SPAG9: variants seen among roughly 807,000 people sequenced by gnomAD.
The protein encoded by SPAG9 is C-Jun-amino-terminal kinase-interacting protein 4.
In SPAG9, 35 loss-of-function variants were observed where a neutral mutation model predicts 166.5. The observed-to-expected ratio is 0.21, with a 90% confidence interval of 0.16 to 0.28. The LOEUF is 0.28. SPAG9 is among the 10% of genes least tolerant of loss of function. The pLI, the probability that SPAG9 is intolerant of heterozygous loss-of-function variation, is 1.00. For missense variants in SPAG9, 1,235 were observed against 1,603.3 expected, an observed-to-expected ratio of 0.77 and a Z score of 3.92; for synonymous variants, 534 against 565.5, an observed-to-expected ratio of 0.94 and a Z score of 0.79.
chr17:51,036,473 C>A (rs926293217), intron 5 of SPAG9, among the ~76,000 whole-genome samples: 3 of 152,158 alleles, frequency 2.0e-5, no homozygotes, highest in Non-Finnish European at 2.9e-5. Flanking sequence ...TACGGTCTCT[C>A]TTCTCTGCCA....
intron 1 of SPAG9, among the ~76,000 whole-genome samples, chr17:51,110,613 C>G (rs975289523): frequency 1.3e-5 from 2 of 152,018 alleles, no homozygotes; most frequent in African/African-American, 2.4e-5. Flanking sequence ...GGCTTGAGCC[C>G]AAGAGGCAAC....
chr17:51,008,732 A>G, intron 9 of SPAG9, among the ~76,000 whole-genome samples: 1 of 152,158 alleles, frequency 6.6e-6, no homozygotes, highest in East Asian at 1.9e-4. Flanking sequence ...TCATCTACCT[A>G]TGTATTATCT....
chr17:50,999,281 C>G (rs1475280496), intron 14 of SPAG9, among the ~76,000 whole-genome samples: 2 of 152,084 alleles, frequency 1.3e-5, no homozygotes, highest in Non-Finnish European at 2.9e-5. Flanking sequence ...CACTAAATTT[C>G]TCATCTTCAC....
chr17:51,001,678 A>C lies in SPAG9; in HGVS notation c.1607+37T>G, dbSNP rs1290198779. On this transcript the variant is annotated intron_variant, in intron 13 of 29. Coordinates refer to ENST00000262013, the MANE Select transcript of SPAG9 (RefSeq NM_001130528.3). ...GAAGGAATATTCAAACCTACAAAAT[A>C]ATAGTAGGAAAATAATGGAGCGCTT... 2.5e-6 allele frequency: 4 copies of C among 1,585,812 alleles called. No homozygotes were observed. The East Asian group carries it at 6.8e-5, about 27-fold the overall frequency.
intron 1 of SPAG9, among the ~76,000 whole-genome samples, chr17:51,097,971 T>C (rs1222089205): frequency 6.6e-6 from 1 of 151,866 alleles, no homozygotes; most frequent in African/African-American, 2.4e-5. Context: ...TACAGGCACA[T>C]GCCACCATGC....
chr17:51,024,684 G>C (rs957219588), intron 6 of SPAG9, among the ~76,000 whole-genome samples: 1 of 148,894 alleles, frequency 6.7e-6, no homozygotes, highest in African/African-American at 2.5e-5. Flanking sequence ...TTGCACTCCA[G>C]TCTGGGCAAA....
chr17:51,028,453 T>C (rs1359603375), intron 6 of SPAG9, among the ~76,000 whole-genome samples: 1 of 152,214 alleles, frequency 6.6e-6, no homozygotes, highest in African/African-American at 2.4e-5. Context: ...ATTTTTCATA[T>C]TGTATTTTTA....
At chr17:51,093,455 C>A (rs1386919685) in intron 1 of SPAG9, among the ~76,000 whole-genome samples, 2 of 151,970 alleles carry the variant, frequency 1.3e-5, no homozygotes, top group African/African-American at 4.8e-5. Context: ...GTAATCCCTG[C>A]ACTTTGGGAG....
chr17:51,061,853 G>T (rs1302204000), intron 2 of SPAG9, among the ~76,000 whole-genome samples: 1 of 151,688 alleles, frequency 6.6e-6, no homozygotes, highest in Non-Finnish European at 1.5e-5. Flanking sequence ...AACCCATCAG[G>T]GTTACTTTTT....
chr17:51,072,816 T>G (rs2047859934), intron 2 of SPAG9, among the ~76,000 whole-genome samples: 1 of 152,210 alleles, frequency 6.6e-6, no homozygotes, highest in South Asian at 2.1e-4. Flanking sequence ...TAAAAAGCAC[T>G]CATTCCCAAT....
chr17:51,045,330 A>T (rs548898820), intron 4 of SPAG9, among the ~76,000 whole-genome samples: 1 of 152,210 alleles, frequency 6.6e-6, no homozygotes, highest in Non-Finnish European at 1.5e-5. Flanking sequence ...TAATTTCTTC[A>T]AAGCCTAAAT....
intron 2 of SPAG9, among the ~76,000 whole-genome samples, chr17:51,062,014 TA>T (rs1040927120): frequency 1.4e-4 from 22 of 152,192 alleles, no homozygotes; most frequent in African/African-American, 4.3e-4. Context: ...TACATATCTA[TA>T]TTTTTTTATT....
At chr17:50,969,352 C>G (rs1480173104) in intron 29 of SPAG9, among the ~76,000 whole-genome samples, 2 of 152,174 alleles carry the variant, frequency 1.3e-5, no homozygotes, top group African/African-American at 4.8e-5. Flanking sequence ...ACCTGCTTCT[C>G]CTGTTGACAG....
intron 2 of SPAG9, among the ~76,000 whole-genome samples, chr17:51,065,688 T>G (rs1309180471): frequency 6.6e-6 from 1 of 152,174 alleles, no homozygotes; most frequent in Non-Finnish European, 1.5e-5. Flanking sequence ...CTCTTTTGCT[T>G]GGGCAAATAG....
chr17:51,064,274 T>C (rs2047600196), intron 2 of SPAG9, among the ~76,000 whole-genome samples: 1 of 152,242 alleles, frequency 6.6e-6, no homozygotes, highest in South Asian at 2.1e-4. Context: ...ATTGTAAAGA[T>C]GGTTCAAACA....
intron 2 of SPAG9, among the ~76,000 whole-genome samples, chr17:51,063,173 C>T (rs1248022041): frequency 6.6e-6 from 1 of 152,110 alleles, no homozygotes; most frequent in African/African-American, 2.4e-5. Context: ...CTTTGGGAAG[C>T]CGAGGCAGGC....
At position 50,965,655 on chromosome 17, in the gene SPAG9, G is replaced by A. The variant is rs1041400570; in HGVS notation, c.*617C>T. The stretch of plus-strand genomic sequence containing the variant: ...GAAACAGGAAACGTTTATTTAAATA[G>A]TGTAGTCTTAATTTCTTTAATATAA... On this transcript the variant is annotated 3_prime_UTR_variant, in exon 30 of 30. Coordinates refer to ENST00000262013, the MANE Select transcript of SPAG9 (RefSeq NM_001130528.3). 6.6e-6 allele frequency: 1 copy of A among 152,182 alleles called. No homozygotes were observed. Among genetic ancestry groups the A allele is most frequent in the East Asian group, 1.9e-4 (1 of 5,200 alleles). The allele number at this position is 152,182 out of a possible 1,614,324, so 9.4% of individuals were successfully genotyped here. A position where few individuals can be genotyped will look rare whatever the true frequency, so the allele number is the denominator to read the frequency against.
intron 9 of SPAG9, chr17:51,009,183 A>G (rs1278043462): frequency 8.9e-6 from 4 of 451,826 alleles, no homozygotes; most frequent in Non-Finnish European, 1.8e-5. Flanking sequence ...GAGAATCTCA[A>G]TTAGATTGTT....
rs1302540965 is a variant in SPAG9 at position 50,991,743 on chromosome 17, C to T, written c.2399-1075G>A. 2.6e-5 allele frequency among the ~76,000 whole-genome samples: 4 copies of T among 151,622 alleles called. No homozygotes were observed. The East Asian group carries it at 7.7e-4, about 29-fold the overall frequency. ...GGTTCAAGCAATTCTCCTGCCTCAG[C>T]CTCCCAAGTAGCTGCGATTACAAGC... On this transcript the variant is annotated intron_variant, in intron 19 of 29. Transcript: ENST00000262013.
Sources: gnomAD v4.1 joint callset for allele counts (sites outside exome capture counted in the v4.1 genomes callset) on GRCh38, gnomAD v4.1.1 for gene constraint, MANE v1.5 for transcripts, NCBI Gene and HGNC (gene_info 2026-07-23, HGNC 2026-07-21) for gene names.